PARPBP: variants seen among roughly 807,000 people sequenced by gnomAD.
The protein encoded by PARPBP is PCNA-interacting partner.
In PARPBP, 52 loss-of-function variants were observed where a neutral mutation model predicts 50.0. That is an observed-to-expected ratio of 1.04 (90% CI 0.83 to 1.31). The LOEUF (loss-of-function observed/expected upper bound fraction) is 1.31, where lower values mean the gene tolerates loss of function less well. Among genes scored for constraint, PARPBP ranks in the 50% most tolerant of loss-of-function variants. PARPBP has a pLI of 0.00. For synonymous variants in PARPBP, 244 were observed against 232.1 expected, an observed-to-expected ratio of 1.05 and a Z score of -0.47; for missense variants, 697 against 672.0, an observed-to-expected ratio of 1.04 and a Z score of -0.41.
At chr12:102,127,098 G>T (rs1882114872) in intron 2 of PARPBP, among the ~76,000 whole-genome samples, 1 of 152,108 alleles carries the variant, frequency 6.6e-6, no homozygotes, top group Admixed American at 6.6e-5. Flanking sequence ...GTGGCAGTCA[G>T]AATTTACATT....
At chr12:102,123,760 T>C (rs1881520147) in intron 1 of PARPBP, 126 bp from the exon 2 acceptor site, 1 of 520,468 alleles carries the variant, frequency 1.9e-6, no homozygotes, top group Non-Finnish European at 3.3e-6. Context: ...AAAGCAATCT[T>C]GGTAAATATG....
chr12:102,122,726 T>C lies in PARPBP; in HGVS notation c.-3-1160T>C, dbSNP rs138135588. 9.1e-3 allele frequency among the ~76,000 whole-genome samples: 1,379 copies of C among 152,346 alleles called. 59 individuals carry two copies. The highest frequency in any genetic ancestry group is 0.084 in the Admixed American group (1,286 of 15,310). ...CATGATGCTTTAAGAACACAGCTTA[T>C]AGAGTTAGACATATTAAGTTTATGC... On this transcript the variant is annotated intron_variant, in intron 1 of 10. Coordinates refer to ENST00000327680, the MANE Select transcript of PARPBP (RefSeq NM_017915.5).
At chr12:102,126,919 A>C (rs1882085572) in intron 2 of PARPBP, among the ~76,000 whole-genome samples, 1 of 152,192 alleles carries the variant, frequency 6.6e-6, no homozygotes, top group African/African-American at 2.4e-5. Flanking sequence ...TCACTCTCAC[A>C]TGTTCCTTTA....
intron 4 of PARPBP, among the ~76,000 whole-genome samples, chr12:102,162,663 A>T (rs888811478): frequency 6.6e-6 from 1 of 152,116 alleles, no homozygotes; most frequent in South Asian, 2.1e-4. Context: ...TCTACAAAAA[A>T]TAAAAACGTT....
At chr12:102,127,599 T>G (rs1251902631) in intron 2 of PARPBP, among the ~76,000 whole-genome samples, 1 of 152,218 alleles carries the variant, frequency 6.6e-6, no homozygotes, top group Non-Finnish European at 1.5e-5. Context: ...TTTTTCATAG[T>G]AGATTCATTT....
intron 2 of PARPBP, among the ~76,000 whole-genome samples, chr12:102,146,348 G>T (rs895242781): frequency 1.3e-5 from 2 of 152,102 alleles, no homozygotes; most frequent in African/African-American, 4.8e-5. Flanking sequence ...AAAACAGCAT[G>T]GTACTGGTAC....
intron 9 of PARPBP, among the ~76,000 whole-genome samples, chr12:102,192,440 C>G (rs965586926): frequency 2.0e-5 from 3 of 152,106 alleles, no homozygotes; most frequent in Admixed American, 6.6e-5. Flanking sequence ...GACTGCAAAT[C>G]TGATGCTTTT....
chr12:102,174,606 TTCTC>T (rs1889075721), intron 6 of PARPBP, among the ~76,000 whole-genome samples: 1 of 152,176 alleles, frequency 6.6e-6, no homozygotes, highest in African/African-American at 2.4e-5. Context: ...CCACACCAGT[TTCTC>T]ATTTGGCACT....
At position 102,196,671 on chromosome 12, in the gene PARPBP, C is replaced by T. The variant is rs1304186757; in HGVS notation, c.*380C>T. The T allele has an allele frequency of 2.5e-6, 4 of 1,610,000 alleles. No homozygotes were observed. Among genetic ancestry groups the T allele is most frequent in the Admixed American group, 3.3e-5 (2 of 59,896 alleles). ...CAGGTATCAGACTTGCCAACAAGGT[C>T]GGTAGACTCTTCCCAGCATACATCT... On this transcript the variant is annotated 3_prime_UTR_variant, in exon 11 of 11. Coordinates refer to ENST00000327680, the MANE Select transcript of PARPBP (RefSeq NM_017915.5).
At chr12:102,194,483 G>A (rs1594644136) in intron 9 of PARPBP, among the ~76,000 whole-genome samples, 1 of 151,866 alleles carries the variant, frequency 6.6e-6, no homozygotes. Context: ...AGGCTACTTT[G>A]TTCTAAAATT....
chr12:102,136,301 A>G (rs1883624563), intron 2 of PARPBP, among the ~76,000 whole-genome samples: 2 of 152,228 alleles, frequency 1.3e-5, no homozygotes, highest in African/African-American at 4.8e-5. Flanking sequence ...CTGGAAAATA[A>G]TGAGAGAGGA....
intron 3 of PARPBP, chr12:102,150,504 A>G (rs1886046005): frequency 3.1e-6 from 1 of 327,630 alleles, no homozygotes. Context: ...AGATAAAGCT[A>G]AGTCAGGGCA....
chr12:102,173,335 CAA>C (rs1167057885), intron 6 of PARPBP, among the ~76,000 whole-genome samples: 9 of 152,132 alleles, frequency 5.9e-5, no homozygotes, highest in Non-Finnish European at 1.2e-4. Flanking sequence ...AAGAATAAGA[CAA>C]GAGTTCCTGC....
intron 5 of PARPBP, 174 bp downstream of exon 5, chr12:102,164,782 G>A: frequency 3.2e-6 from 2 of 625,824 alleles, no homozygotes; most frequent in East Asian, 2.8e-5. Flanking sequence ...GTTTGGTAAA[G>A]GAGAATTTCT....
At chr12:102,133,350 T>C (rs1230830082) in intron 2 of PARPBP, among the ~76,000 whole-genome samples, 1 of 152,072 alleles carries the variant, frequency 6.6e-6, no homozygotes, top group Non-Finnish European at 1.5e-5. Flanking sequence ...ATTATTATAA[T>C]GAGAGGATAT....
At position 102,131,885 on chromosome 12, in the gene PARPBP, A is replaced by G. The variant is rs146481077; in HGVS notation, c.153+7844A>G. 9.2e-3 allele frequency among the ~76,000 whole-genome samples: 1,395 copies of G among 152,302 alleles called. 23 individuals carry two copies. The highest frequency in any genetic ancestry group is 0.032 in the African/African-American group (1,312 of 41,570). ...GGATCAGGAAGAATAACTAATGGGC[A>G]CTTGGCTTAATACCGGGGTGACAAA... On this transcript the variant is annotated intron_variant, in intron 2 of 10. Transcript: ENST00000327680.
At chr12:102,134,360 T>C (rs1883321436) in intron 2 of PARPBP, among the ~76,000 whole-genome samples, 1 of 151,712 alleles carries the variant, frequency 6.6e-6, no homozygotes, top group Non-Finnish European at 1.5e-5. Context: ...CTAGAAGAAA[T>C]GGATAAATTC....
chr12:102,154,577 C>T (rs983442993), intron 4 of PARPBP, among the ~76,000 whole-genome samples: 1 of 152,060 alleles, frequency 6.6e-6, no homozygotes, highest in Non-Finnish European at 1.5e-5. Flanking sequence ...ATTTAAGGGG[C>T]CTGGGGAGTC....
At chr12:102,195,223 C>T in intron 9 of PARPBP, 89 bp from the exon 10 acceptor site, 2 of 732,992 alleles carry the variant, frequency 2.7e-6, no homozygotes, top group Non-Finnish European at 4.2e-6. Context: ...ATTTTTATAC[C>T]TTGATTACTA....
Sources: gnomAD v4.1 joint callset for allele counts (sites outside exome capture counted in the v4.1 genomes callset) on GRCh38, gnomAD v4.1.1 for gene constraint, MANE v1.5 for transcripts, NCBI Gene and HGNC (gene_info 2026-07-23, HGNC 2026-07-21) for gene names.